ASH2L: variants seen among roughly 807,000 people sequenced by gnomAD.
ASH2L encodes set1/Ash2 histone methyltransferase complex subunit ASH2.
A neutral mutation model predicts 81.1 loss-of-function variants in ASH2L; 30 were observed. The observed-to-expected ratio is 0.37, with a 90% CI of 0.28 to 0.50. The LOEUF is 0.50. ASH2L is among the 20% of genes least tolerant of loss of function. The pLI, the probability that ASH2L is intolerant of heterozygous loss-of-function variation, is 0.95. For synonymous variants in ASH2L, 273 were observed against 279.9 expected (o/e 0.98, Z 0.24); for missense variants, 559 against 792.1 (o/e 0.71, Z 3.53).
At chr8:38,105,823 C>A in intron 1 of ASH2L, 85 bp downstream of exon 1, 1 of 1,463,012 alleles carries the variant, frequency 6.8e-7, no homozygotes, top group Non-Finnish European at 9.0e-7. Flanking sequence ...CTGCCGCCCG[C>A]CCCCTGCGAA....
chr8:38,135,329 GTCC>G (rs1802209948), intron 13 of ASH2L, among the ~76,000 whole-genome samples: 1 of 152,006 alleles, frequency 6.6e-6, no homozygotes, highest in Non-Finnish European at 1.5e-5. Flanking sequence ...TATGCCTGTA[GTCC>G]CAGCTGCTTG....
At position 38,139,003 on chromosome 8, in the gene ASH2L, C is replaced by T; in HGVS notation, c.1819C>T (p.Leu607=). Residue 607 remains leucine, a synonymous_variant, in exon 16 of 16, where the codon CTG becomes TTG. Coordinates refer to ENST00000343823, the MANE Select transcript of ASH2L (RefSeq NM_004674.5). ...MGWGAVVEHT[L]ADVLYHVETE... The stretch of plus-strand genomic sequence containing the variant: ...CTGGGGCGCCGTGGTAGAGCACACC[C>T]TGGCTGACGTCTTGTATCACGTGGA... 1 of 1,613,576 alleles carries T rather than the reference C, an allele frequency of 6.2e-7. No individual in the cohort carries two copies. Among genetic ancestry groups the T allele is most frequent in the Non-Finnish European group, 8.5e-7 (1 of 1,179,724 alleles).
rs1810648047 is a variant in ASH2L at position 38,110,743 on chromosome 8, G to C, written c.495G>C (p.Leu165Phe). Residue 165 changes from leucine (L) to phenylalanine (F), a missense_variant, in exon 5 of 16, where the codon TTG (leucine) becomes TTC (phenylalanine). Around this residue, in one of 4 missense-constraint regions of ASH2L, gnomAD observed 318 missense variants for 527.0 expected, o/e 0.60. Transcript: ENST00000343823. ...CTTCCTTTTTGTTTTTGATAGACTT[G>C]AAGGAAATGTGCCTTAGTGCTTTGG... ...NTYFLRKQAN[L>F]KEMCLSALAN... 6.2e-7 allele frequency: 1 copy of C among 1,613,076 alleles called. No homozygotes were observed. The highest frequency in any genetic ancestry group is 1.3e-5 in the African/African-American group (1 of 74,906).
intron 7 of ASH2L, 92 bp downstream of exon 7, chr8:38,115,092 A>G (rs1810842496): frequency 1.2e-6 from 1 of 811,678 alleles, no homozygotes; most frequent in Non-Finnish European, 2.1e-6. Context: ...TTTGCCACAT[A>G]ACACACTGCC....
rs747718354 is a variant in ASH2L at position 38,128,846 on chromosome 8, A to T, written c.1422A>T (p.Lys474Asn). The T allele has an allele frequency of 1.9e-6, 3 of 1,614,144 alleles. No homozygotes were observed. The highest frequency in any genetic ancestry group is 2.5e-6 in the Non-Finnish European group (3 of 1,180,032). The change falls in exon 12 of 16, where the codon AAA (lysine) becomes AAT (asparagine). Residue 474 changes from lysine to asparagine, a missense_variant. This residue lies in a region of ASH2L where 318 missense variants were observed against 527.0 expected (regional missense o/e 0.60). Coordinates refer to ENST00000343823, the MANE Select transcript of ASH2L (RefSeq NM_004674.5). ...CCAAGTTCCACCAGTCCATTGGCAA[A>T]CACTACTCTTCTGGCTATGGACAGG... Reference protein sequence around the residue: ...KGTKFHQSIGKHYSSGYGQGD... With the variant: ...KGTKFHQSIGNHYSSGYGQGD...
At chr8:38,118,148 A>G (rs572503150) in intron 8 of ASH2L, among the ~76,000 whole-genome samples, 1 of 152,366 alleles carries the variant, frequency 6.6e-6, no homozygotes, top group East Asian at 1.9e-4. Flanking sequence ...ACTTTTATGA[A>G]AAATAGGAAT....
chr8:38,135,789 T>C (rs747332417), intron 14 of ASH2L, 23 bp downstream of exon 14: 1 of 1,548,686 alleles, frequency 6.5e-7, no homozygotes. Flanking sequence ...TTCCATCCCA[T>C]GAGCAAAACT....
chr8:38,124,392 G>A (rs545573368), intron 10 of ASH2L: 1 of 151,878 alleles, frequency 6.6e-6, no homozygotes, highest in East Asian at 1.9e-4. Flanking sequence ...ATTTTTTTAG[G>A]GACAAAGTCT....
rs201331822 is a variant in ASH2L at position 38,105,637 on chromosome 8, G to T, written c.87G>T (p.Glu29Asp). Reference protein sequence around the residue: ...GAVANATGAEEGEMKPVAAGA... With the variant: ...GAVANATGAEDGEMKPVAAGA... Reference sequence around the variant, plus strand: ...TCGCAAATGCAACAGGGGCAGAAGAGGGGGAGATGAAGCCGGTGGCAGCGG... The same window carrying T: ...TCGCAAATGCAACAGGGGCAGAAGATGGGGAGATGAAGCCGGTGGCAGCGG... The change falls in exon 1 of 16, where the codon GAG becomes GAT. Residue 29 changes from glutamate to aspartate, a missense_variant. By Grantham distance (45) the Glu-to-Asp change is conservative. Around this residue, in one of 4 missense-constraint regions of ASH2L, gnomAD observed 145 missense variants for 115.5 expected, o/e 1.26. Transcript: ENST00000343823. The T allele has an allele frequency of 4.4e-6, 7 of 1,602,054 alleles. No individual in the cohort carries two copies. Among genetic ancestry groups the T allele is most frequent in the Non-Finnish European group, 6.0e-6 (7 of 1,175,874 alleles).
At chr8:38,120,910 T>A (rs916738985) in intron 9 of ASH2L, 22 bp from the exon 10 acceptor site, 12 of 1,604,432 alleles carry the variant, frequency 7.5e-6, no homozygotes, top group Non-Finnish European at 1.0e-5. Context: ...AGTTTTTTGA[T>A]GTTATTTTTT....
intron 13 of ASH2L, among the ~76,000 whole-genome samples, chr8:38,134,525 TC>T (rs1335644077): frequency 6.6e-6 from 1 of 152,070 alleles, no homozygotes; most frequent in Non-Finnish European, 1.5e-5. Context: ...TGCCTCCACT[TC>T]CGGGGTTGCT....
intron 5 of ASH2L, 103 bp downstream of exon 5, chr8:38,110,936 A>G: frequency 1.1e-6 from 1 of 921,136 alleles, no homozygotes; most frequent in Admixed American, 2.1e-5. Flanking sequence ...TATTGAATAT[A>G]TGACAGTGGA....
chr8:38,134,477 G>A (rs1802178624), intron 13 of ASH2L, among the ~76,000 whole-genome samples: 1 of 152,182 alleles, frequency 6.6e-6, no homozygotes, highest in Admixed American at 6.6e-5. Context: ...GGCACTAGGA[G>A]CTGTAACGTC....
At chr8:38,121,287 ATG>A in intron 10 of ASH2L, 138 bp downstream of exon 10, 1 of 531,988 alleles carries the variant, frequency 1.9e-6, no homozygotes, top group Non-Finnish European at 3.1e-6. Flanking sequence ...TTCATCCAGA[ATG>A]TGCAAGAAAT....
At chr8:38,114,815 G>GAATT (rs1810827758) in intron 6 of ASH2L, 90 bp from the exon 7 acceptor site, 1 of 817,750 alleles carries the variant, frequency 1.2e-6, no homozygotes, top group East Asian at 2.6e-5. Flanking sequence ...CTGCACCTAG[G>GAATT]AATTGACTTT....
At position 38,128,874 on chromosome 8, in the gene ASH2L, G is replaced by A; in HGVS notation, c.1450G>A (p.Asp484Asn). Reference protein sequence around the residue: ...KHYSSGYGQGDVLGFYINLPE... With the variant: ...KHYSSGYGQGNVLGFYINLPE... The stretch of plus-strand genomic sequence containing the variant: ...CTACTCTTCTGGCTATGGACAGGGA[G>A]ACGTCCTGGGATTTTATATTAATCT... The change falls in exon 12 of 16, where the codon GAC becomes AAC. Residue 484 changes from aspartate to asparagine, a missense_variant. Asp to Asn is a conservative substitution (Grantham distance 23, BLOSUM62 1). Around this residue, in one of 4 missense-constraint regions of ASH2L, gnomAD observed 318 missense variants for 527.0 expected, o/e 0.60. Coordinates refer to ENST00000343823, the MANE Select transcript of ASH2L (RefSeq NM_004674.5). 1 of 1,614,130 alleles carries A rather than the reference G, an allele frequency of 6.2e-7. No individual in the cohort carries two copies. Among genetic ancestry groups the A allele is most frequent in the Non-Finnish European group, 8.5e-7 (1 of 1,180,014 alleles).
chr8:38,118,594 G>A (rs190677767), intron 8 of ASH2L, among the ~76,000 whole-genome samples: 7 of 152,334 alleles, frequency 4.6e-5, no homozygotes, highest in Admixed American at 2.0e-4. Flanking sequence ...TGTATTTGAC[G>A]AATGGGTATG....
At chr8:38,106,762 C>T (rs1414434261) in intron 2 of ASH2L, among the ~76,000 whole-genome samples, 1 of 151,916 alleles carries the variant, frequency 6.6e-6, no homozygotes, top group Non-Finnish European at 1.5e-5. Context: ...TCTCCCGCCT[C>T]AGCCTCCCAG....
chr8:38,128,607 T>A, intron 11 of ASH2L, 149 bp downstream of exon 11: 2 of 1,453,804 alleles, frequency 1.4e-6, no homozygotes, highest in Non-Finnish European at 1.8e-6. Context: ...ATTCCCGGGA[T>A]ATTTTTGTAA....
Sources: allele counts gnomAD v4.1 joint callset (sites outside exome capture counted in the v4.1 genomes callset), GRCh38; gene constraint gnomAD v4.1.1; regional missense constraint gnomAD v4.1.1; transcripts MANE v1.5; gene names NCBI Gene and HGNC (gene_info 2026-07-23, HGNC 2026-07-21).